The following NOTCH1 variants were observed in gnomAD, a reference collection of about 807,000 sequenced individuals.
NOTCH1 encodes neurogenic locus notch homolog protein 1.
NOTCH1 carries 37 observed loss-of-function variants against 254.8 expected under a neutral mutation model. The ratio of observed to expected loss-of-function variants is 0.15; its 90% CI spans 0.11 to 0.19. The LOEUF (loss-of-function observed/expected upper bound fraction) is 0.19. Ranked by LOEUF, NOTCH1 falls within the 10% of genes least tolerant of loss-of-function variation. The pLI, the probability that NOTCH1 is intolerant of heterozygous loss-of-function variation, is 1.00. For synonymous variants in NOTCH1, 1,731 were observed against 1,618.1 expected (o/e 1.07, Z -1.68); for missense variants, 2,972 against 3,708.6 (o/e 0.80, Z 5.16).
chr9:136,503,213 G>A lies in NOTCH1; in HGVS notation c.5136C>T (p.Leu1712=), dbSNP rs779878416. 2.5e-6 allele frequency: 4 copies of A among 1,612,808 alleles called. No homozygotes were observed. The Admixed American group carries it at 5.0e-5, about 20-fold the overall frequency. Residue 1712 remains leucine, a synonymous_variant, in exon 27 of 34, where the codon CTC becomes CTT. Coordinates refer to ENST00000651671, the MANE Select transcript of NOTCH1 (RefSeq NM_017617.5). ...CGGCCTCGATCTTGTAGGGGATGTT[G>A]AGGCTGCCCAGCGAGGCGAGCGCTC... ...FLGALASLGS[L]NIPYKIEAVQ...
intron 2 of NOTCH1, chr9:136,543,601 G>A (rs1301419685): frequency 1.4e-5 from 5 of 362,658 alleles, no homozygotes; most frequent in African/African-American, 1.1e-4. Context: ...TCACCCCCGA[G>A]AGGAGGCATC....
At chr9:136,501,209 G>A (rs1842990017) in intron 30 of NOTCH1, among the ~76,000 whole-genome samples, 4 of 152,282 alleles carry the variant, frequency 2.6e-5, no homozygotes, top group African/African-American at 9.6e-5. Flanking sequence ...CGAGGTGGGC[G>A]GATCACCTGA....
chr9:136,527,409 C>A (rs1340549364), intron 2 of NOTCH1, among the ~76,000 whole-genome samples: 1 of 152,164 alleles, frequency 6.6e-6, no homozygotes, highest in Non-Finnish European at 1.5e-5. Context: ...GTGTGGGCCG[C>A]GAGGTGGGCG....
At chr9:136,507,198 A>T in intron 22 of NOTCH1, 107 bp downstream of exon 22, 1 of 1,578,392 alleles carries the variant, frequency 6.3e-7, no homozygotes, top group South Asian at 1.1e-5. Flanking sequence ...GGAAAATGGG[A>T]GTTTCTGGCT....
chr9:136,507,117 G>T, intron 22 of NOTCH1, 144 bp from the exon 23 acceptor site: 1 of 1,444,954 alleles, frequency 6.9e-7, no homozygotes, highest in Non-Finnish European at 9.5e-7. Context: ...CCGTGGAGAC[G>T]CCCTTCCCAC....
intron 30 of NOTCH1, 68 bp from the exon 31 acceptor site, chr9:136,500,915 G>T: frequency 1.7e-5 from 25 of 1,502,502 alleles, no homozygotes; most frequent in Middle Eastern, 2.4e-4. Flanking sequence ...GGGGAGGGGG[G>T]CAGCAGCCCC....
Position 136,522,866 on chromosome 9 carries a change from C to T in NOTCH1, c.726G>A (p.Glu242=), listed in dbSNP as rs1843394434. 2.0e-6 allele frequency: 3 copies of T among 1,509,032 alleles called. No individual in the cohort carries two copies. The highest frequency in any genetic ancestry group is 1.4e-5 in the African/African-American group (1 of 72,530). The allele number at this position is 1,509,032 out of a possible 1,614,324, so 93.5% of individuals were successfully genotyped here. A position where few individuals can be genotyped will look rare whatever the true frequency, so the allele number is the denominator to read the frequency against. Residue 242 remains glutamate (E), a synonymous_variant, in exon 4 of 34, where the codon GAG becomes GAA. Transcript: ENST00000651671. ...CAGCACTACCTGGCAGGCAGGCACA[C>T]TCGTGGGTGACGTCGCCCGTGGGGC... ...TCRPTGDVTH[E]CACLPGFTGQ...
In NOTCH1 at chr9:136,497,491, T is replaced by C; in HGVS notation, c.6248A>G (p.His2083Arg). 1 of 1,611,992 alleles carries C rather than the reference T, an allele frequency of 6.2e-7. No homozygotes were observed. The highest frequency in any genetic ancestry group is 8.5e-7 in the Non-Finnish European group (1 of 1,179,730). ...SYETAKVLLD[H>R]FANRDITDHM... ...ATCCGTGATGTCCCGGTTGGCAAAG[T>C]GGTCCAGCAGCACCTTGGCGGTCTC... Residue 2083 changes from histidine (H) to arginine (R), a missense_variant, in exon 34 of 34, where the codon CAC becomes CGC. This residue lies in a region of NOTCH1 where 421 missense variants were observed against 604.4 expected (regional missense o/e 0.70). Coordinates refer to ENST00000651671, the MANE Select transcript of NOTCH1 (RefSeq NM_017617.5).
chr9:136,502,463 C>A lies in NOTCH1; in HGVS notation c.5193G>T (p.Pro1731=), dbSNP rs773981674. The change falls in exon 28 of 34, where the codon CCG becomes CCT. Residue 1731 remains proline (P), a synonymous_variant. Coordinates refer to ENST00000651671, the MANE Select transcript of NOTCH1 (RefSeq NM_017617.5). ...VQSETVEPPP[P]AQLHFMYVAA... is the part of the protein sequence containing the mutation. ...CCACGTACATGAAGTGCAGCTGCGC[C>A]GGCGGGGGCGGCTCCACGGTCTCAC... The A allele has an allele frequency of 6.3e-7, 1 of 1,584,266 alleles. No individual in the cohort carries two copies. Among genetic ancestry groups the A allele is most frequent in the Non-Finnish European group, 8.6e-7 (1 of 1,166,872 alleles).
Position 136,513,423 on chromosome 9 carries a change from G to A in NOTCH1, c.2322C>T (p.Gly774=), listed in dbSNP as rs1843214143. Reference sequence around the variant, plus strand: ...AGCCCTCCCGGCAGGTGCACACGTAGCCACTGGTCATGTCTTTGCAGGTGC... The same window carrying A: ...AGCCCTCCCGGCAGGTGCACACGTAACCACTGGTCATGTCTTTGCAGGTGC... The part of the protein sequence containing the change: ...NGGTCKDMTS[G]YVCTCREGFS... The change falls in exon 14 of 34, where the codon GGC becomes GGT. Residue 774 remains glycine (G), a synonymous_variant. Coordinates refer to ENST00000651671, the MANE Select transcript of NOTCH1 (RefSeq NM_017617.5). The surrounding 1 kb of genome is among the most constrained non-coding windows in gnomAD (Gnocchi z 4.7). The A allele has an allele frequency of 6.2e-7, 1 of 1,612,984 alleles. No homozygotes were observed. Among genetic ancestry groups the A allele is most frequent in the Non-Finnish European group, 8.5e-7 (1 of 1,180,016 alleles).
At position 136,511,277 on chromosome 9, in the gene NOTCH1, G is replaced by C. The variant is rs2133355089; in HGVS notation, c.2468-6C>G. 1 of 1,609,676 alleles carries C rather than the reference G, an allele frequency of 6.2e-7. No homozygotes were observed. Among genetic ancestry groups the C allele is most frequent in the Non-Finnish European group, 8.5e-7 (1 of 1,179,384 alleles). ...CACCACCTCACACGTGGCACCTGCGGGAAGGAGACACACGTGACCCCGGGA... is the reference window on the plus strand; with the variant it reads ...CACCACCTCACACGTGGCACCTGCGCGAAGGAGACACACGTGACCCCGGGA... On this transcript the variant is annotated splice_polypyrimidine_tract_variant and splice_region_variant and intron_variant, in intron 15 of 33. Coordinates refer to ENST00000651671, the MANE Select transcript of NOTCH1 (RefSeq NM_017617.5).
chr9:136,516,782 C>T (rs939486771), intron 9 of NOTCH1, among the ~76,000 whole-genome samples: 8 of 152,154 alleles, frequency 5.3e-5, no homozygotes, highest in African/African-American at 1.4e-4. Context: ...GGCTCCACCG[C>T]GACCCCTGGG....
chr9:136,497,392 T>C lies in NOTCH1; in HGVS notation c.6347A>G (p.Tyr2116Cys), dbSNP rs752097115. ...CAGCTGCGGGCTGCGCACCAGGTTG[T>C]ACTCGTCCAGCAGCCTCACGATGTC... Reference protein sequence around the residue: ...HHDIVRLLDEYNLVRSPQLHG... With the variant: ...HHDIVRLLDECNLVRSPQLHG... Residue 2116 changes from tyrosine to cysteine, a missense_variant, in exon 34 of 34, where the codon TAC becomes TGC. By Grantham distance (194) the Tyr-to-Cys change is radical. Around this residue, in one of 8 missense-constraint regions of NOTCH1, gnomAD observed 529 missense variants for 529.2 expected, o/e 1.00. Coordinates refer to ENST00000651671, the MANE Select transcript of NOTCH1 (RefSeq NM_017617.5). The C allele has an allele frequency of 2.5e-6, 4 of 1,610,256 alleles. No homozygotes were observed. The highest frequency in any genetic ancestry group is 3.4e-6 in the Non-Finnish European group (4 of 1,179,874).
chr9:136,511,826 C>T (rs889469192), intron 15 of NOTCH1, among the ~76,000 whole-genome samples: 7 of 152,320 alleles, frequency 4.6e-5, no homozygotes, highest in East Asian at 3.9e-4. Flanking sequence ...TGTCGGGGCA[C>T]GGGGCACGGC....
intron 9 of NOTCH1, among the ~76,000 whole-genome samples, chr9:136,516,501 C>A (rs906609279): frequency 6.6e-6 from 1 of 152,210 alleles, no homozygotes. Flanking sequence ...TTCACCCAGG[C>A]CCCTGAGAGT....
rs1414889345 is a variant in NOTCH1 at position 136,518,794 on chromosome 9, C to G, written c.896G>C (p.Cys299Ser). 6.2e-7 allele frequency: 1 copy of G among 1,612,866 alleles called. No individual in the cohort carries two copies. ...CTGGCAGGCATTTGGCATCAGCTGG[C>G]ACTCGTCCACATCCTCGGTACAGTA... ...GQYCTEDVDE[C>S]QLMPNACQNG... Residue 299 changes from cysteine to serine, a missense_variant, in exon 6 of 34, where the codon TGC becomes TCC. By Grantham distance (112) the Cys-to-Ser change is moderately radical (BLOSUM62 -1). Coordinates refer to ENST00000651671, the MANE Select transcript of NOTCH1 (RefSeq NM_017617.5).
In NOTCH1 at chr9:136,506,968, G is replaced by A. The variant is rs1327576450; in HGVS notation, c.3649C>T (p.His1217Tyr). ...CSCPRGTQGV[H>Y]CEINVDDCNP... ...CAGTCGTCCACGTTGATCTCACAGT[G>A]CACACCTGCGGGGCCAGGTTTCGTC... The change falls in exon 23 of 34, where the codon CAC (histidine) becomes TAC (tyrosine). Residue 1217 changes from histidine (H) to tyrosine (Y), a missense_variant. His to Tyr is a moderately conservative substitution (Grantham distance 83, BLOSUM62 2). Around this residue, in one of 8 missense-constraint regions of NOTCH1, gnomAD observed 1,343 missense variants for 1,557.0 expected, o/e 0.86. Coordinates refer to ENST00000651671, the MANE Select transcript of NOTCH1 (RefSeq NM_017617.5). This position sits in a 1 kb window ranked among gnomAD's most constrained non-coding sequence, Gnocchi z 4.5. 3 of 1,602,760 alleles carry A rather than the reference G, an allele frequency of 1.9e-6. No individual in the cohort carries two copies. Among genetic ancestry groups the A allele is most frequent in the Admixed American group, 3.4e-5 (2 of 59,106 alleles).
rs1182867386 is a variant in NOTCH1, at chr9:136,515,353, C to A, written c.1951G>T (p.Asp651Tyr). 3.7e-6 allele frequency: 6 copies of A among 1,612,932 alleles called. No homozygotes were observed. The highest frequency in any genetic ancestry group is 1.1e-5 in the South Asian group (1 of 91,082). Residue 651 changes from aspartate to tyrosine, a missense_variant, in exon 12 of 34, where the codon GAC becomes TAC. By Grantham distance (160) the Asp-to-Tyr change is radical. Around this residue, in one of 8 missense-constraint regions of NOTCH1, gnomAD observed 1,343 missense variants for 1,557.0 expected, o/e 0.86. Coordinates refer to ENST00000651671, the MANE Select transcript of NOTCH1 (RefSeq NM_017617.5). ...ATCTTGTCCAGACAGGTGCCCGAGT[C>A]GCAGGGGCTGCTGGCACAGTCATCC... Reference protein sequence around the residue: ...NLDDCASSPCDSGTCLDKIDG... With the variant: ...NLDDCASSPCYSGTCLDKIDG...
rs1402064977 is a variant in NOTCH1, at chr9:136,509,823, C to T, written c.2879G>A (p.Cys960Tyr). The T allele has an allele frequency of 6.2e-7, 1 of 1,613,072 alleles. No individual in the cohort carries two copies. The highest frequency in any genetic ancestry group is 8.5e-7 in the Non-Finnish European group (1 of 1,180,034). ...CGTGTAGCTGTCCACGCAGTCCGTGCAGTTGGCCCCGTTGCGGCAGGGGTC... is the reference window on the plus strand; with the variant it reads ...CGTGTAGCTGTCCACGCAGTCCGTGTAGTTGGCCCCGTTGCGGCAGGGGTC... ...ASDPCRNGAN[C>Y]TDCVDSYTCT... Residue 960 changes from cysteine to tyrosine, a missense_variant, in exon 18 of 34, where the codon TGC becomes TAC. By Grantham distance (194) the Cys-to-Tyr change is radical. Coordinates refer to ENST00000651671, the MANE Select transcript of NOTCH1 (RefSeq NM_017617.5).
Sources: gnomAD v4.1 joint callset for allele counts (sites outside exome capture counted in the v4.1 genomes callset) on GRCh38, gnomAD v4.1.1 for gene constraint, gnomAD v4.1.1 regional missense constraint, Gnocchi (gnomAD v3.1) non-coding constraint, MANE v1.5 for transcripts, NCBI Gene and HGNC (gene_info 2026-07-23, HGNC 2026-07-21) for gene names.